KAZN: variants seen among roughly 807,000 people sequenced by gnomAD.
KAZN encodes kazrin, periplakin interacting protein.
Under a neutral mutation model 87.4 loss-of-function variants are expected in KAZN, and 40 were observed. The observed-to-expected ratio is 0.46, with a 90% CI of 0.36 to 0.60. KAZN has a LOEUF of 0.60. Ranked by LOEUF, KAZN falls within the 20% of genes least tolerant of loss-of-function variation. The pLI is 0.00. For missense variants in KAZN, 898 were observed against 1,073.9 expected (o/e 0.84, Z 2.29); for synonymous variants, 466 against 458.3 (o/e 1.02, Z -0.22).
intron 1 of KAZN, among the ~76,000 whole-genome samples, chr1:14,118,492 A>G (rs1466617510): frequency 6.6e-6 from 1 of 152,178 alleles, no homozygotes; most frequent in Admixed American, 6.5e-5. Context: ...TGAGTCTCAA[A>G]TTTTGAAGTG....
intron 2 of KAZN, among the ~76,000 whole-genome samples, chr1:14,368,290 C>T (rs181480677): frequency 6.6e-5 from 10 of 152,206 alleles, no homozygotes; most frequent in Admixed American, 3.9e-4. Flanking sequence ...AGCAGTGACC[C>T]CAGTGTTTAC....
chr1:13,953,521 C>T (rs1641431023), intron 1 of KAZN, among the ~76,000 whole-genome samples: 1 of 152,186 alleles, frequency 6.6e-6, no homozygotes, highest in Non-Finnish European at 1.5e-5. Context: ...CTCCCACCAG[C>T]CCTTTTCTTC....
Position 14,194,309 on chromosome 1 carries a change from C to T in KAZN, c.249+13717C>T, listed in dbSNP as rs1162350266. On this transcript the variant is annotated intron_variant, in intron 2 of 16. Transcript: ENST00000636203. Reference sequence around the variant, plus strand: ...TACCCCAGGGGACAAGTTGAGTCTCCCAGGATCCAGAATTTGGCTCAGTGT... The same window carrying T: ...TACCCCAGGGGACAAGTTGAGTCTCTCAGGATCCAGAATTTGGCTCAGTGT... 2.6e-5 allele frequency among the ~76,000 whole-genome samples: 4 copies of T among 152,080 alleles called. No individual in the cohort carries two copies. In the East Asian group the frequency reaches 7.7e-4, roughly 29 times the overall value.
chr1:15,097,764 G>A (rs545918637), intron 10 of KAZN, among the ~76,000 whole-genome samples: 1 of 152,286 alleles, frequency 6.6e-6, no homozygotes, highest in Non-Finnish European at 1.5e-5. Context: ...GTTGCAGTGA[G>A]CCGAGACTGC....
chr1:14,492,879 C>G (rs1462932248), intron 2 of KAZN, among the ~76,000 whole-genome samples: 1 of 151,632 alleles, frequency 6.6e-6, no homozygotes, highest in Admixed American at 6.6e-5. Flanking sequence ...ACAGCACACA[C>G]ACATGCACAC....
intron 2 of KAZN, among the ~76,000 whole-genome samples, chr1:15,002,525 C>T (rs187198423): frequency 3.8e-4 from 58 of 152,326 alleles, no homozygotes; most frequent in Non-Finnish European, 6.0e-4. Flanking sequence ...TGGCCAGTGA[C>T]TCTCTGAATG....
At chr1:15,024,873 G>A (rs1460216656) in intron 2 of KAZN, among the ~76,000 whole-genome samples, 4 of 152,206 alleles carry the variant, frequency 2.6e-5, no homozygotes, top group South Asian at 2.1e-4. Context: ...CAGCCATGCC[G>A]TGGCCAGCTC....
At position 15,066,670 on chromosome 1, in the gene KAZN, G is replaced by T. The variant is rs1398666412; in HGVS notation, c.1222+917G>T. The T allele has an allele frequency of 1.0e-6, 1 of 985,082 alleles. No homozygotes were observed. Among genetic ancestry groups the T allele is most frequent in the African/African-American group, 1.7e-5 (1 of 57,164 alleles). 61.0% of individuals were successfully genotyped at this position (985,082 alleles called of 1,614,324 possible). A position where few individuals can be genotyped will look rare whatever the true frequency, so the allele number is the denominator to read the frequency against. ...TATTGGAATGTCTATTTTTCCATGG[G>T]GTGGGCGGGAGGTGGGTGTCTCTGT... On this transcript the variant is annotated intron_variant, in intron 8 of 14. Transcript: ENST00000376030. This position sits in a 1 kb window ranked among gnomAD's most constrained non-coding sequence, Gnocchi z 4.3.
chr1:14,421,919 G>T (rs1266202815), intron 2 of KAZN, among the ~76,000 whole-genome samples: 1 of 152,138 alleles, frequency 6.6e-6, no homozygotes, highest in Non-Finnish European at 1.5e-5. Flanking sequence ...ACTGCCCAAT[G>T]AGCTAGTAAA....
At chr1:14,907,221 C>G (rs1472163085) in intron 1 of KAZN, among the ~76,000 whole-genome samples, 1 of 151,484 alleles carries the variant, frequency 6.6e-6, no homozygotes, top group Non-Finnish European at 1.5e-5. Context: ...CATGGTGAAA[C>G]CCCATCTCTA....
At chr1:14,331,158 G>T (rs1656830253) in intron 2 of KAZN, among the ~76,000 whole-genome samples, 1 of 152,104 alleles carries the variant, frequency 6.6e-6, no homozygotes, top group Non-Finnish European at 1.5e-5. Context: ...TTTTACCTCT[G>T]CTGTGGAAGT....
intron 1 of KAZN, among the ~76,000 whole-genome samples, chr1:14,835,407 G>A (rs1366940321): frequency 1.3e-5 from 2 of 152,166 alleles, no homozygotes; most frequent in South Asian, 4.1e-4. Context: ...CCCGTAGGCA[G>A]AGCCAGAGAA....
At chr1:14,071,782 C>T (rs1365935650) in intron 1 of KAZN, among the ~76,000 whole-genome samples, 2 of 152,194 alleles carry the variant, frequency 1.3e-5, no homozygotes, top group Non-Finnish European at 2.9e-5. Flanking sequence ...TGCTTGTGGT[C>T]TCCCAGAAAT....
intron 1 of KAZN, among the ~76,000 whole-genome samples, chr1:14,805,702 A>C (rs887405530): frequency 1.3e-5 from 2 of 151,806 alleles, no homozygotes; most frequent in African/African-American, 2.4e-5. Context: ...TGGAGGTTGC[A>C]GTGAGCAGAG....
intron 2 of KAZN, among the ~76,000 whole-genome samples, chr1:15,006,923 G>C (rs1310206568): frequency 6.6e-6 from 1 of 152,012 alleles, no homozygotes; most frequent in Non-Finnish European, 1.5e-5. Context: ...CGGGCATGGT[G>C]GCGGGCACCT....
chr1:15,024,157 C>G (rs947819977), intron 2 of KAZN, among the ~76,000 whole-genome samples: 2 of 152,022 alleles, frequency 1.3e-5, no homozygotes. Flanking sequence ...GCCACCAATG[C>G]CCAGAGGTCA....
rs1406919320 is a variant in KAZN at position 14,891,112 on chromosome 1, G to A, written c.227-69572G>A. ...ACCCGCCTCGGCCTCCCAAAGTGCT[G>A]GGATTACAGGTGTGAGCCACCGCGC... is the stretch of plus-strand genomic sequence containing the variant. On this transcript the variant is annotated intron_variant, in intron 1 of 14. Transcript: ENST00000376030. 2.0e-5 allele frequency among the ~76,000 whole-genome samples: 3 copies of A among 152,066 alleles called. No individual in the cohort carries two copies. In the East Asian group the frequency reaches 5.8e-4, roughly 29 times the overall value.
intron 1 of KAZN, among the ~76,000 whole-genome samples, chr1:14,741,121 T>C (rs1489597631): frequency 6.6e-6 from 1 of 152,260 alleles, no homozygotes; most frequent in Non-Finnish European, 1.5e-5. Flanking sequence ...CCCAAGTTGC[T>C]GGAGCGGGTC....
intron 1 of KAZN, among the ~76,000 whole-genome samples, chr1:14,725,872 G>A (rs2100322685): frequency 6.6e-6 from 1 of 152,318 alleles, no homozygotes; most frequent in East Asian, 1.9e-4. Flanking sequence ...GATGTTGCCA[G>A]TCCCTGGACC....
Sources: gnomAD v4.1 joint callset for allele counts (sites outside exome capture counted in the v4.1 genomes callset) on GRCh38, gnomAD v4.1.1 for gene constraint, Gnocchi (gnomAD v3.1) non-coding constraint, MANE v1.5 for transcripts, NCBI Gene and HGNC (gene_info 2026-07-23, HGNC 2026-07-21) for gene names.